LRP1B: variants seen among roughly 807,000 people sequenced by gnomAD.
LRP1B encodes the protein low-density lipoprotein receptor-related protein 1B.
LRP1B carries 217 observed loss-of-function variants against 556.6 expected under a neutral mutation model. The observed-to-expected ratio is 0.39, with a 90% CI of 0.35 to 0.44. The LOEUF (loss-of-function observed/expected upper bound fraction) is 0.44. LRP1B is among the 20% of genes least tolerant of loss of function. The probability of loss-of-function intolerance (pLI) is 1.00; values close to 1 mark genes in which losing one functional copy is unlikely to be tolerated. For synonymous variants in LRP1B, 2,047 were observed against 1,865.8 expected (o/e 1.10, Z -2.50); for missense variants, 5,053 against 5,620.8 (o/e 0.90, Z 3.23).
intron 1 of LRP1B, among the ~76,000 whole-genome samples, chr2:142,079,635 G>A (rs1165123778): frequency 6.6e-6 from 1 of 151,966 alleles, no homozygotes; most frequent in African/African-American, 2.4e-5. Flanking sequence ...TCAGCATCCT[G>A]AGTAGCTGAG....
At chr2:141,987,780 T>C (rs933284697) in intron 1 of LRP1B, among the ~76,000 whole-genome samples, 1 of 151,928 alleles carries the variant, frequency 6.6e-6, no homozygotes, top group African/African-American at 2.4e-5. Flanking sequence ...TTTATGCATA[T>C]TATTTCTTAT....
intron 41 of LRP1B, among the ~76,000 whole-genome samples, chr2:140,633,252 A>G (rs1683954646): frequency 6.6e-6 from 1 of 150,578 alleles, no homozygotes; most frequent in South Asian, 2.1e-4. Context: ...ACTCAAGAGT[A>G]GCTCAAAAAT....
chr2:142,073,059 C>T (rs1705378955), intron 1 of LRP1B, among the ~76,000 whole-genome samples: 1 of 152,008 alleles, frequency 6.6e-6, no homozygotes, highest in African/African-American at 2.4e-5. Context: ...AGGAATTCAT[C>T]TGTAAATGAG....
intron 35 of LRP1B, among the ~76,000 whole-genome samples, chr2:140,740,281 C>G (rs528828998): frequency 4.3e-4 from 66 of 152,156 alleles, no homozygotes; most frequent in South Asian, 1.0e-3. Context: ...CATCAATCAA[C>G]GGGTAGATAA....
intron 2 of LRP1B, among the ~76,000 whole-genome samples, chr2:141,653,841 G>A (rs904692311): frequency 1.2e-4 from 19 of 152,104 alleles, no homozygotes; most frequent in Admixed American, 6.6e-5. Flanking sequence ...AGAAGTTGTG[G>A]TTTACAGTAT....
chr2:141,535,343 T>C (rs539897223), intron 2 of LRP1B, among the ~76,000 whole-genome samples: 1 of 152,120 alleles, frequency 6.6e-6, no homozygotes, highest in Admixed American at 6.6e-5. Context: ...TTATTATCTA[T>C]AAACTCTGCA....
intron 1 of LRP1B, among the ~76,000 whole-genome samples, chr2:141,830,387 A>G (rs1275693827): frequency 6.6e-6 from 1 of 151,904 alleles, no homozygotes; most frequent in Admixed American, 6.6e-5. Context: ...TGAGAAACCT[A>G]AAAGTAAATT....
chr2:141,564,660 A>G (rs1686270142), intron 2 of LRP1B, among the ~76,000 whole-genome samples: 2 of 152,058 alleles, frequency 1.3e-5, no homozygotes, highest in Admixed American at 1.3e-4. Flanking sequence ...TGAAAGAAAA[A>G]TGGGACATCA....
intron 68 of LRP1B, among the ~76,000 whole-genome samples, chr2:140,376,428 C>T (rs887284991): frequency 1.3e-5 from 2 of 152,066 alleles, no homozygotes; most frequent in African/African-American, 4.8e-5. Context: ...ATAAACAAAA[C>T]CAAAGCCAAG....
chr2:141,642,517 G>T (rs1336352157), intron 2 of LRP1B, among the ~76,000 whole-genome samples: 3 of 152,050 alleles, frequency 2.0e-5, no homozygotes, highest in African/African-American at 7.2e-5. Context: ...AAAAATTACT[G>T]CAATTCTAAT....
At chr2:140,840,685 A>C (rs1692073434) in intron 30 of LRP1B, among the ~76,000 whole-genome samples, 1 of 152,202 alleles carries the variant, frequency 6.6e-6, no homozygotes, top group Non-Finnish European at 1.5e-5. Context: ...TTAGAAATAT[A>C]AATTAATGAG....
intron 60 of LRP1B, among the ~76,000 whole-genome samples, chr2:140,469,417 T>C (rs986651189): frequency 6.6e-6 from 1 of 152,178 alleles, no homozygotes; most frequent in Non-Finnish European, 1.5e-5. Context: ...TCCACAAATG[T>C]ATGCAATAAA....
rs551770805 is a variant in LRP1B at position 140,301,574 on chromosome 2, C to T, written c.12806-3605G>A. Among the ~76,000 whole-genome samples the T allele has an allele frequency of 3.9e-5, 6 of 152,126 alleles. No individual in the cohort carries two copies. The South Asian group carries it at 1.2e-3, about 32-fold the overall frequency. On this transcript the variant is annotated intron_variant, in intron 83 of 90. Transcript: ENST00000389484. ...ATAAAAATCACATTCCAATCCTTCACTGAAGGTACAGCTTTTTTTAATATA... is the reference window on the plus strand; with the variant it reads ...ATAAAAATCACATTCCAATCCTTCATTGAAGGTACAGCTTTTTTTAATATA...
At chr2:141,299,184 C>CAGTGTAAT (rs1686298213) in intron 3 of LRP1B, among the ~76,000 whole-genome samples, 2 of 152,070 alleles carry the variant, frequency 1.3e-5, no homozygotes, top group South Asian at 4.1e-4. Flanking sequence ...ATGATTCTTG[C>CAGTGTAAT]AGTGTAATGA....
At chr2:140,901,559 G>A (rs1301906260) in intron 23 of LRP1B, among the ~76,000 whole-genome samples, 1 of 152,052 alleles carries the variant, frequency 6.6e-6, no homozygotes, top group Non-Finnish European at 1.5e-5. Context: ...ATTTATCCTT[G>A]TGTTACAAAC....
chr2:140,617,924 G>A (rs1683314627), intron 41 of LRP1B, among the ~76,000 whole-genome samples: 1 of 151,884 alleles, frequency 6.6e-6, no homozygotes, highest in South Asian at 2.1e-4. Flanking sequence ...AAATTACCCT[G>A]GAAGCTTAGG....
At chr2:141,414,349 AAGGGAGGGAGGAAGAGCGGAAAGGAGGG>A (rs960033681) in intron 3 of LRP1B, among the ~76,000 whole-genome samples, 1 of 138,380 alleles carries the variant, frequency 7.2e-6, no homozygotes, top group African/African-American at 2.7e-5. Flanking sequence ...GAGAGAGAGG[AAGGGAGGGAGGAAGAGCGGAAAGGAGGG>A]AGGGAGGGAG....
In LRP1B at chr2:140,373,088, C is replaced by T; in HGVS notation, c.10688G>A (p.Gly3563Asp). 2 of 1,613,242 alleles carry T rather than the reference C, an allele frequency of 1.2e-6. No homozygotes were observed. Among genetic ancestry groups the T allele is most frequent in the Non-Finnish European group, 1.7e-6 (2 of 1,179,472 alleles). ...TTTCCATTTTGCTGGTATACACTGACCATTGGAACACCGGAACTGATCTTT... is the reference window on the plus strand; with the variant it reads ...TTTCCATTTTGCTGGTATACACTGATCATTGGAACACCGGAACTGATCTTT... ...CSKDQFRCSN[G>D]QCIPAKWKCD... is the part of the protein sequence containing the mutation. The change falls in exon 69 of 91, where the codon GGT becomes GAT. Residue 3563 changes from glycine (G) to aspartate (D), a missense_variant. Physicochemically the swap from Gly to Asp is moderately conservative, Grantham distance 94. Around this residue, in one of 5 missense-constraint regions of LRP1B, gnomAD observed 599 missense variants for 648.4 expected, o/e 0.92. Coordinates refer to ENST00000389484, the MANE Select transcript of LRP1B (RefSeq NM_018557.3).
At chr2:142,046,011 A>C (rs1056664586) in intron 1 of LRP1B, among the ~76,000 whole-genome samples, 1 of 151,974 alleles carries the variant, frequency 6.6e-6, no homozygotes, top group Non-Finnish European at 1.5e-5. Context: ...AATGATTTGC[A>C]TGAATTTCAC....
Sources: gnomAD v4.1 joint callset for allele counts (sites outside exome capture counted in the v4.1 genomes callset) on GRCh38, gnomAD v4.1.1 for gene constraint, gnomAD v4.1.1 regional missense constraint, MANE v1.5 for transcripts, NCBI Gene and HGNC (gene_info 2026-07-23, HGNC 2026-07-21) for gene names.